SEPTIN12: variants seen among roughly 807,000 people sequenced by gnomAD.
SEPTIN12 encodes septin 12, also known as septin-12.
SEPTIN12 carries 42 observed loss-of-function variants against 37.7 expected under a neutral mutation model. That is an observed-to-expected ratio of 1.11 (90% CI 0.87 to 1.44). The LOEUF is 1.44. SEPTIN12 is among the 40% of genes most tolerant of loss of function. The pLI is 0.00. For missense variants in SEPTIN12, 613 were observed against 479.2 expected, an observed-to-expected ratio of 1.28 and a Z score of -2.61; for synonymous variants, 254 against 196.7, an observed-to-expected ratio of 1.29 and a Z score of -2.44.
intron 4 of SEPTIN12, chr16:4,784,324 G>A (rs939679373): frequency 6.1e-6 from 3 of 495,226 alleles, no homozygotes; most frequent in South Asian, 4.5e-5. Flanking sequence ...AGTAAGGGAG[G>A]GGTGAGCATT....
intron 8 of SEPTIN12, among the ~76,000 whole-genome samples, chr16:4,778,413 T>G (rs2082336833): frequency 6.6e-6 from 1 of 152,252 alleles, no homozygotes; most frequent in Admixed American, 6.5e-5. Context: ...GGGTGCCCAC[T>G]GTAGGACTTG....
chr16:4,785,192 A>T (rs1009190574), intron 4 of SEPTIN12, among the ~76,000 whole-genome samples: 1 of 151,924 alleles, frequency 6.6e-6, no homozygotes, highest in African/African-American at 2.4e-5. Flanking sequence ...CGGAGGTTGC[A>T]GTGAGCAGAG....
intron 2 of SEPTIN12, 64 bp from the exon 3 acceptor site, chr16:4,786,169 T>C: frequency 1.3e-6 from 2 of 1,519,490 alleles, no homozygotes; most frequent in Non-Finnish European, 8.8e-7. Context: ...TCTCTAACTC[T>C]TTACTTTTCT....
At chr16:4,783,394 G>A in intron 7 of SEPTIN12, 68 bp downstream of exon 7, 1 of 1,154,306 alleles carries the variant, frequency 8.7e-7, no homozygotes, top group Non-Finnish European at 1.3e-6. Flanking sequence ...AGAAAGATGA[G>A]TCTTTGGATG....
upstream of SEPTIN12, chr16:4,789,897 CTCCTT>C (rs1228566750): frequency 6.7e-6 from 1 of 149,274 alleles, no homozygotes; most frequent in African/African-American, 2.6e-5. Flanking sequence ...TCTTTCTTTT[CTCCTT>C]TCTTTTCTTT....
intron 7 of SEPTIN12, 144 bp downstream of exon 7, chr16:4,783,318 T>C (rs761224615): frequency 2.9e-6 from 2 of 700,646 alleles, no homozygotes; most frequent in Non-Finnish European, 5.1e-6. Flanking sequence ...CTTGCTCACC[T>C]TGAGCTTGTG....
At chr16:4,791,747 G>A (rs1462500829), upstream of SEPTIN12, among the ~76,000 whole-genome samples, 1 of 152,184 alleles carries the variant, frequency 6.6e-6, no homozygotes, top group Non-Finnish European at 1.5e-5. Context: ...GAGTGCAGTG[G>A]CGAGATCTTG....
chr16:4,783,596 C>G, intron 6 of SEPTIN12, 39 bp from the exon 7 acceptor site: 1 of 1,611,796 alleles, frequency 6.2e-7, no homozygotes, highest in South Asian at 1.1e-5. Context: ...CCACCCTGCC[C>G]ACTCTGCCCT....
intron 7 of SEPTIN12, among the ~76,000 whole-genome samples, chr16:4,780,525 C>T (rs1483408616): frequency 1.3e-5 from 2 of 152,166 alleles, no homozygotes; most frequent in African/African-American, 4.8e-5. Flanking sequence ...AAGTCTAAAA[C>T]ATTTACTACC....
At chr16:4,783,591 C>G (rs2082397650) in intron 6 of SEPTIN12, 34 bp from the exon 7 acceptor site, 3 of 1,611,448 alleles carry the variant, frequency 1.9e-6, no homozygotes, top group Non-Finnish European at 2.5e-6. Flanking sequence ...TCAGCCCACC[C>G]TGCCCACTCT....
chr16:4,787,431 C>A (rs759761420), intron 2 of SEPTIN12, 49 bp downstream of exon 2: 2 of 1,573,418 alleles, frequency 1.3e-6, no homozygotes, highest in Non-Finnish European at 1.7e-6. Flanking sequence ...CGCCCAGGCA[C>A]GCGTAGCACT....
chr16:4,791,138 G>A (rs1320383068), upstream of SEPTIN12, among the ~76,000 whole-genome samples: 1 of 152,246 alleles, frequency 6.6e-6, no homozygotes, highest in Non-Finnish European at 1.5e-5. Flanking sequence ...ATCCTCCCAT[G>A]TGAGCGATGG....
rs1210272912 is a variant in SEPTIN12, at chr16:4,783,444, C to T, written c.726+18G>A. ...GAAGGAAATCACCTCGCCCGCCTCC[C>T]GCCCCACAGCCTCTCACCCGTAACT... On this transcript the variant is annotated intron_variant, in intron 7 of 9. Transcript: ENST00000268231. 1.8e-5 allele frequency: 29 copies of T among 1,601,776 alleles called. No individual in the cohort carries two copies. In the East Asian group the frequency reaches 3.1e-4, roughly 17 times the overall value.
chr16:4,778,683 C>G (rs889981389), intron 8 of SEPTIN12, among the ~76,000 whole-genome samples: 1 of 151,736 alleles, frequency 6.6e-6, no homozygotes, highest in African/African-American at 2.4e-5. Flanking sequence ...ATCTGTAGTC[C>G]CAGCTATTTG....
chr16:4,785,249 TAA>T (rs34269550), intron 4 of SEPTIN12, among the ~76,000 whole-genome samples: 50 of 144,122 alleles, frequency 3.5e-4, no homozygotes, highest in African/African-American at 5.1e-4. Flanking sequence ...GAGTCTGTCT[TAA>T]AAAAAAAAAA....
chr16:4,780,443 T>C (rs537979657), intron 7 of SEPTIN12, among the ~76,000 whole-genome samples: 3 of 152,230 alleles, frequency 2.0e-5, no homozygotes, highest in South Asian at 2.1e-4. Context: ...CTATGAGTCA[T>C]TTTTGTCTAT....
chr16:4,790,440 T>C (rs904332805), upstream of SEPTIN12, among the ~76,000 whole-genome samples: 2 of 152,200 alleles, frequency 1.3e-5, no homozygotes, highest in African/African-American at 4.8e-5. Context: ...CTTCTGCCAG[T>C]TCTTCCTTCT....
At chr16:4,780,124 A>G (rs1226500282) in intron 7 of SEPTIN12, among the ~76,000 whole-genome samples, 1 of 152,042 alleles carries the variant, frequency 6.6e-6, no homozygotes, top group Non-Finnish European at 1.5e-5. Context: ...TATATTATAT[A>G]GCGTATTATA....
At chr16:4,789,578 G>A (rs987027641), upstream of SEPTIN12, among the ~76,000 whole-genome samples, 2 of 152,038 alleles carry the variant, frequency 1.3e-5, no homozygotes, top group Non-Finnish European at 2.9e-5. Flanking sequence ...TGCCCTCCTC[G>A]GCCTCCCAAA....
Sources: allele counts gnomAD v4.1 joint callset (sites outside exome capture counted in the v4.1 genomes callset), GRCh38; gene constraint gnomAD v4.1.1; transcripts MANE v1.5; gene names NCBI Gene and HGNC (gene_info 2026-07-23, HGNC 2026-07-21).